TSC22D1: variants seen among roughly 807,000 people sequenced by gnomAD.
TSC22D1 encodes TSC22 domain family protein 1.
Under a neutral mutation model 74.2 loss-of-function variants are expected in TSC22D1, and 9 were observed. The ratio of observed to expected loss-of-function variants is 0.12; its 90% CI spans 0.07 to 0.21. TSC22D1 has a LOEUF of 0.21. Among genes scored for constraint, TSC22D1 ranks in the 10% least tolerant of loss-of-function variants. The probability of loss-of-function intolerance (pLI) is 1.00; values close to 1 mark genes in which losing one functional copy is unlikely to be tolerated. For synonymous variants in TSC22D1, 586 were observed against 492.5 expected (o/e 1.19, Z -2.51); for missense variants, 1,427 against 1,304.7 (o/e 1.09, Z -1.44).
chr13:44,542,803 G>C (rs552409774), intron 1 of TSC22D1, among the ~76,000 whole-genome samples: 5 of 152,072 alleles, frequency 3.3e-5, no homozygotes, highest in Admixed American at 3.3e-4. Context: ...TCAAAATGGG[G>C]TCATTATTTG....
At chr13:44,520,958 C>T (rs531014525) in intron 1 of TSC22D1, among the ~76,000 whole-genome samples, 21 of 152,080 alleles carry the variant, frequency 1.4e-4, no homozygotes, top group Non-Finnish European at 2.6e-4. Flanking sequence ...TCCTCAAAAC[C>T]ATCCCAGGAG....
At chr13:44,527,323 TCAA>T (rs1257286474) in intron 1 of TSC22D1, among the ~76,000 whole-genome samples, 1 of 152,046 alleles carries the variant, frequency 6.6e-6, no homozygotes, top group Non-Finnish European at 1.5e-5. Flanking sequence ...AATAATGACA[TCAA>T]CAATATATTG....
At chr13:44,448,861 C>T (rs571744355) in intron 1 of TSC22D1, among the ~76,000 whole-genome samples, 9 of 150,892 alleles carry the variant, frequency 6.0e-5, no homozygotes, top group African/African-American at 2.2e-4. Flanking sequence ...ATATAGTGTG[C>T]CCTAGAAGTG....
chr13:44,539,006 C>T, intron 1 of TSC22D1: 1 of 985,336 alleles, frequency 1.0e-6, no homozygotes, highest in Non-Finnish European at 1.2e-6. Flanking sequence ...ACATTCTACC[C>T]ATTGTAGGTG....
At chr13:44,450,948 T>C (rs1876079607) in intron 1 of TSC22D1, among the ~76,000 whole-genome samples, 2 of 152,286 alleles carry the variant, frequency 1.3e-5, no homozygotes, top group African/African-American at 4.8e-5. Context: ...ACCTGAGTTT[T>C]CTGTGGATCT....
At chr13:44,436,193 A>G (rs908653021) in intron 1 of TSC22D1, 98 bp from the exon 2 acceptor site, 4 of 1,325,508 alleles carry the variant, frequency 3.0e-6, no homozygotes, top group Middle Eastern at 1.9e-4. Context: ...TGCTAGCATC[A>G]TATTTTGAAT....
rs1223754453 is a variant in TSC22D1, at chr13:44,551,387, T to TGG, written c.2912+21774_2912+21775dup. Among the ~76,000 whole-genome samples, 124 of 85,246 alleles carry TGG rather than the reference T, an allele frequency of 1.5e-3. 2 individuals carry two copies. The highest frequency in any genetic ancestry group is 3.0e-3 in the South Asian group (7 of 2,314). 55.9% of individuals were successfully genotyped at this position (85,246 alleles called of 152,430 possible). A position where few individuals can be genotyped will look rare whatever the true frequency, so the allele number is the denominator to read the frequency against. ...ACAAAAACCCAAAACCCCAATCAGA[T>TGG]GGGTGTGTGTGTGTGTGTGTGTGTG... On this transcript the variant is annotated intron_variant, in intron 1 of 2. Transcript: ENST00000458659.
At chr13:44,527,249 AAAGAT>A (rs972159044) in intron 1 of TSC22D1, among the ~76,000 whole-genome samples, 19 of 152,210 alleles carry the variant, frequency 1.2e-4, no homozygotes, top group African/African-American at 4.6e-4. Context: ...TTAAAGAATA[AAAGAT>A]AAAAACAAAA....
intron 1 of TSC22D1, among the ~76,000 whole-genome samples, chr13:44,465,979 A>AAAACAAAC (rs3046029): frequency 0.085 from 12,801 of 151,214 alleles, 734 homozygotes; most frequent in Non-Finnish European, 0.12. Context: ...GCCTCAAGAA[A>AAAACAAAC]AAACAAACAA....
intron 1 of TSC22D1, among the ~76,000 whole-genome samples, chr13:44,501,781 G>A (rs1005997883): frequency 6.6e-6 from 1 of 152,174 alleles, no homozygotes; most frequent in Non-Finnish European, 1.5e-5. Flanking sequence ...TGAAACTAAT[G>A]TATGTGTGTG....
intron 1 of TSC22D1, among the ~76,000 whole-genome samples, chr13:44,560,559 CAT>C (rs1231020561): frequency 1.3e-5 from 2 of 152,044 alleles, no homozygotes; most frequent in African/African-American, 4.8e-5. Context: ...ATATTTAGAA[CAT>C]ATGTTAAGAA....
chr13:44,505,113 T>C (rs1027800146), intron 1 of TSC22D1, among the ~76,000 whole-genome samples: 1 of 152,188 alleles, frequency 6.6e-6, no homozygotes, highest in African/African-American at 2.4e-5. Context: ...CATTTCATCA[T>C]CCTTGTATGA....
intron 1 of TSC22D1, among the ~76,000 whole-genome samples, chr13:44,555,416 C>T (rs565949101): frequency 5.9e-5 from 9 of 152,138 alleles, no homozygotes; most frequent in African/African-American, 2.2e-4. Flanking sequence ...TGAGACCAGA[C>T]TGGCCAACAG....
At chr13:44,521,930 G>A (rs1280565630) in intron 1 of TSC22D1, among the ~76,000 whole-genome samples, 5 of 151,650 alleles carry the variant, frequency 3.3e-5, no homozygotes, top group Non-Finnish European at 5.9e-5. Context: ...TTTGTTTGGC[G>A]CCTACTGTGT....
At chr13:44,435,111 T>C (rs1044077939) in intron 2 of TSC22D1, 4 of 461,006 alleles carry the variant, frequency 8.7e-6, no homozygotes, top group East Asian at 3.8e-5. Context: ...TCTGCAGACG[T>C]TGGCCAGAAA....
intron 1 of TSC22D1, among the ~76,000 whole-genome samples, chr13:44,460,573 TA>T (rs1876946126): frequency 3.9e-5 from 6 of 152,236 alleles, no homozygotes; most frequent in Non-Finnish European, 7.3e-5. Flanking sequence ...TTTGATGTCC[TA>T]AACTGTGTTA....
chr13:44,548,918 C>T (rs563648017), intron 1 of TSC22D1, among the ~76,000 whole-genome samples: 35 of 152,116 alleles, frequency 2.3e-4, no homozygotes, highest in South Asian at 4.1e-4. Flanking sequence ...GTTTTATTAT[C>T]CTAACATAAT....
intron 1 of TSC22D1, among the ~76,000 whole-genome samples, chr13:44,552,091 C>T (rs1187140400): frequency 6.6e-6 from 1 of 152,126 alleles, no homozygotes; most frequent in Non-Finnish European, 1.5e-5. Context: ...AAGGAATTCC[C>T]AAAAGAACCA....
intron 1 of TSC22D1, among the ~76,000 whole-genome samples, chr13:44,441,952 G>A (rs958653542): frequency 6.6e-6 from 1 of 151,982 alleles, no homozygotes; most frequent in African/African-American, 2.4e-5. Flanking sequence ...AAATCACATA[G>A]GGTAGGCACC....
Sources: allele counts gnomAD v4.1 joint callset (sites outside exome capture counted in the v4.1 genomes callset), GRCh38; gene constraint gnomAD v4.1.1; transcripts MANE v1.5; gene names NCBI Gene and HGNC (gene_info 2026-07-23, HGNC 2026-07-21).